Variants in PATL1 observed in about 807,000 individuals in gnomAD.
PATL1 encodes PAT1 homolog 1, processing body mRNA decay factor.
A neutral mutation model predicts 100.6 loss-of-function variants in PATL1; 32 were observed. The ratio of observed to expected loss-of-function variants is 0.32; its 90% CI spans 0.24 to 0.43. The LOEUF is 0.43. PATL1 is among the 20% of genes least tolerant of loss of function. The probability of loss-of-function intolerance (pLI) is 1.00; values close to 1 mark genes in which losing one functional copy is unlikely to be tolerated. For missense variants in PATL1, 747 were observed against 949.9 expected (o/e 0.79, Z 2.81); for synonymous variants, 332 against 330.0 (o/e 1.01, Z -0.07).
In PATL1 at chr11:59,656,909, TA is replaced by T. The variant is rs1266778840; in HGVS notation, c.622-310del. Among the ~76,000 whole-genome samples the T allele has an allele frequency of 3.3e-5, 5 of 152,178 alleles. No homozygotes were observed. In the South Asian group the frequency reaches 1.0e-3, roughly 32 times the overall value. ...TTCTCTCCAAGAGGATATATTTTGG[TA>T]GCACTGAGGGAGAAGGAATGATAAG... On this transcript the variant is annotated intron_variant, in intron 5 of 18. Transcript: ENST00000300146.
chr11:59,668,828 G>A (rs977382565), intron 1 of PATL1, 53 bp downstream of exon 1: 31 of 1,151,742 alleles, frequency 2.7e-5, no homozygotes, highest in African/African-American at 2.3e-4. Context: ...GAGAGAGTGA[G>A]GGAGAGGGGC....
At chr11:59,640,259 G>A (rs1293691310) in intron 16 of PATL1, among the ~76,000 whole-genome samples, 1 of 149,386 alleles carries the variant, frequency 6.7e-6, no homozygotes, top group Non-Finnish European at 1.5e-5. Flanking sequence ...GAGAATTGTT[G>A]GAACCCGGGA....
At position 59,638,388 on chromosome 11, in the gene PATL1, T is replaced by C. The variant is rs1382714021; in HGVS notation, c.*2A>G. On this transcript the variant is annotated 3_prime_UTR_variant, in exon 19 of 19. Transcript: ENST00000300146. Reference sequence around the variant, plus strand: ...GAGGTACAGGACACATTTGGAGATCTTTTATCGTATCCCCTGAACTAGCCT... The same window carrying C: ...GAGGTACAGGACACATTTGGAGATCCTTTATCGTATCCCCTGAACTAGCCT... 7 of 1,612,312 alleles carry C rather than the reference T, an allele frequency of 4.3e-6. No homozygotes were observed. Among genetic ancestry groups the C allele is most frequent in the Non-Finnish European group, 5.9e-6 (7 of 1,178,750 alleles).
Position 59,639,274 on chromosome 11 carries a change from G to A in PATL1, c.2141+18C>T. The stretch of plus-strand genomic sequence containing the variant: ...CCTCAAAGAACTTAAAATAAGAGAA[G>A]AAACAGTCCACACTGACCACTGATT... On this transcript the variant is annotated intron_variant, in intron 17 of 18. Transcript: ENST00000300146. 1 of 1,560,974 alleles carries A rather than the reference G, an allele frequency of 6.4e-7. No homozygotes were observed.
chr11:59,657,846 A>G, intron 4 of PATL1, 122 bp from the exon 5 acceptor site: 1 of 803,258 alleles, frequency 1.2e-6, no homozygotes, highest in South Asian at 3.0e-5. Context: ...TTTAATTCAC[A>G]TATAGTAAAA....
chr11:59,656,847 T>A (rs1269364283), intron 5 of PATL1, among the ~76,000 whole-genome samples: 2 of 152,298 alleles, frequency 1.3e-5, no homozygotes, highest in Non-Finnish European at 2.9e-5. Flanking sequence ...TTCCATGCTG[T>A]CTGAGGGAGA....
At position 59,666,889 on chromosome 11, in the gene PATL1, G is replaced by C. The variant is rs1251281737; in HGVS notation, c.91C>G (p.Gln31Glu). 3 of 1,550,956 alleles carry C rather than the reference G, an allele frequency of 1.9e-6. No homozygotes were observed. The highest frequency in any genetic ancestry group is 2.6e-6 in the Non-Finnish European group (3 of 1,146,768). ...GACCCAAATGTATCATCATTGAATT[G>C]ATCAATCTCTTCATCTTCTTCTCCC... ...GLGEEDEEID[Q>E]FNDDTFGSGA... is the part of the protein sequence containing the mutation. Residue 31 changes from glutamine to glutamate, a missense_variant, in exon 2 of 19, where the codon CAA becomes GAA. Gln to Glu is a conservative substitution (Grantham distance 29). Around this residue, in one of 4 missense-constraint regions of PATL1, gnomAD observed 183 missense variants for 221.2 expected, o/e 0.83. Transcript: ENST00000300146.
In PATL1 at chr11:59,652,513, G is replaced by T. The variant is rs1254074771; in HGVS notation, c.1377C>A (p.Thr459=). Residue 459 remains threonine (T), a synonymous_variant, in exon 11 of 19, where the codon ACC becomes ACA. Transcript: ENST00000300146. The part of the protein sequence containing the change: ...IQGDGPKKER[T]KLITPQVAKL... ...TGGCCACCTGAGGGGTGATAAGCTTGGTGCGCTCCTTCTTAGGGCCATCAC... is the reference window on the plus strand; with the variant it reads ...TGGCCACCTGAGGGGTGATAAGCTTTGTGCGCTCCTTCTTAGGGCCATCAC... The T allele has an allele frequency of 6.2e-7, 1 of 1,613,804 alleles. No homozygotes were observed. Among genetic ancestry groups the T allele is most frequent in the African/African-American group, 1.3e-5 (1 of 74,894 alleles).
chr11:59,653,428 T>G (rs536984398), intron 9 of PATL1, among the ~76,000 whole-genome samples: 8 of 152,338 alleles, frequency 5.3e-5, no homozygotes, highest in African/African-American at 1.9e-4. Flanking sequence ...GAAGTCTACA[T>G]AAATTGTTTT....
chr11:59,663,212 C>T (rs1861649647), intron 2 of PATL1, among the ~76,000 whole-genome samples: 1 of 151,924 alleles, frequency 6.6e-6, no homozygotes, highest in African/African-American at 2.4e-5. Flanking sequence ...TCCGTAATAA[C>T]GAACTAACCT....
At chr11:59,666,763 T>C (rs545648819) in intron 2 of PATL1, 90 bp downstream of exon 2, 1 of 1,326,378 alleles carries the variant, frequency 7.5e-7, no homozygotes, top group South Asian at 1.5e-5. Flanking sequence ...TGAATAAGGT[T>C]ACCCCTAATA....
At chr11:59,656,660 A>G (rs1861540284) in intron 5 of PATL1, 60 bp from the exon 6 acceptor site, 2 of 1,418,622 alleles carry the variant, frequency 1.4e-6, no homozygotes. Context: ...TTCCACCTAC[A>G]CTCCCTCCCC....
intron 2 of PATL1, among the ~76,000 whole-genome samples, chr11:59,664,892 A>G (rs1367713606): frequency 6.6e-6 from 1 of 152,222 alleles, no homozygotes; most frequent in African/African-American, 2.4e-5. Context: ...ACTGATTATC[A>G]CTAAACTATC....
At position 59,639,088 on chromosome 11, in the gene PATL1, C is replaced by A. The variant is rs763530486; in HGVS notation, c.2251G>T (p.Val751Phe). Residue 751 changes from valine (V) to phenylalanine (F), a missense_variant, in exon 18 of 19, where the codon GTT becomes TTT. By Grantham distance (50) the Val-to-Phe change is conservative. Around this residue, in one of 4 missense-constraint regions of PATL1, gnomAD observed 434 missense variants for 596.1 expected, o/e 0.73. Coordinates refer to ENST00000300146, the MANE Select transcript of PATL1 (RefSeq NM_152716.3). ...AGCAAGTTCAGTTTCTGCCGGTCAA[C>A]ATAGCGAGAAAAGAGGGACACTAGG... is the stretch of plus-strand genomic sequence containing the variant. ...TNLVSLFSRY[V>F]DRQKLNLLET... 1 of 1,613,970 alleles carries A rather than the reference C, an allele frequency of 6.2e-7. No homozygotes were observed. Among genetic ancestry groups the A allele is most frequent in the South Asian group, 1.1e-5 (1 of 91,080 alleles).
intron 15 of PATL1, among the ~76,000 whole-genome samples, chr11:59,643,258 T>TA (rs1344413000): frequency 1.9e-4 from 29 of 151,112 alleles, no homozygotes; most frequent in African/African-American, 4.4e-4. Context: ...ACCAAAGGTG[T>TA]AAAAAAAAAT....
intron 14 of PATL1, among the ~76,000 whole-genome samples, chr11:59,648,936 T>C (rs926058103): frequency 6.6e-6 from 1 of 152,232 alleles, no homozygotes; most frequent in Admixed American, 6.5e-5. Flanking sequence ...ATACATCGAA[T>C]AAGTATTCAG....
chr11:59,658,760 T>C (rs1861580464), intron 4 of PATL1, 106 bp downstream of exon 4: 2 of 800,822 alleles, frequency 2.5e-6, no homozygotes. Flanking sequence ...GACATAATTC[T>C]AGCAAATGAA....
At chr11:59,638,853 G>A (rs946390216) in intron 18 of PATL1, among the ~76,000 whole-genome samples, 195 bp downstream of exon 18, 2 of 152,020 alleles carry the variant, frequency 1.3e-5, no homozygotes, top group African/African-American at 2.4e-5. Flanking sequence ...GCTAATTTTC[G>A]TATTTTTTTA....
chr11:59,643,553 A>G (rs975802066), intron 15 of PATL1, among the ~76,000 whole-genome samples: 9 of 151,832 alleles, frequency 5.9e-5, no homozygotes, highest in Non-Finnish European at 1.3e-4. Flanking sequence ...TACAACAAAT[A>G]AAAAAGTTTC....
Sources: allele counts gnomAD v4.1 joint callset (sites outside exome capture counted in the v4.1 genomes callset), GRCh38; gene constraint gnomAD v4.1.1; regional missense constraint gnomAD v4.1.1; transcripts MANE v1.5; gene names NCBI Gene and HGNC (gene_info 2026-07-23, HGNC 2026-07-21).